The following OCA2 variants were observed in gnomAD, a reference collection of about 807,000 sequenced individuals.
OCA2 encodes the protein P protein.
Under a neutral mutation model 100.2 loss-of-function variants are expected in OCA2, and 77 were observed. The ratio of observed to expected loss-of-function variants is 0.77; its 90% CI spans 0.64 to 0.93. The LOEUF (loss-of-function observed/expected upper bound fraction) is 0.93. OCA2 is among the 40% of genes least tolerant of loss of function. The pLI is 0.00. For missense variants in OCA2, 1,062 were observed against 1,089.1 expected (o/e 0.98, Z 0.35); for synonymous variants, 432 against 439.2 (o/e 0.98, Z 0.21).
At chr15:27,740,385 G>A in the OCA2 span, among the ~76,000 whole-genome samples, 924 of 152,110 alleles carry the variant, frequency 6.1e-3, 11 homozygotes, top group African/African-American at 0.02. Context: ...GACACAACCC[G>A]GGAGCCACAG....
intron 2 of OCA2, among the ~76,000 whole-genome samples, chr15:28,071,938 C>T (rs2044272515): frequency 6.6e-6 from 1 of 152,208 alleles, no homozygotes; most frequent in Admixed American, 6.5e-5. Context: ...TCAAGAGCTT[C>T]TGCACAGCAA....
Position 28,016,969 on chromosome 15 carries a change from G to A in OCA2, c.808-783C>T, listed in dbSNP as rs2042414356. On this transcript the variant is annotated intron_variant, in intron 7 of 23. Transcript: ENST00000354638. ...CCCCTGTGCACAGGAGCCCCTGCAA[G>A]GAAGGGCCCCAGAGTGAAGCTTCAT... Among the ~76,000 whole-genome samples the A allele has an allele frequency of 5.3e-5, 8 of 151,796 alleles. No homozygotes were observed. In the South Asian group the frequency reaches 1.7e-3, roughly 32 times the overall value.
chr15:27,847,718 T>C (rs778418802), intron 22 of OCA2, among the ~76,000 whole-genome samples: 2 of 152,244 alleles, frequency 1.3e-5, no homozygotes, highest in Admixed American at 1.3e-4. Flanking sequence ...AAGACCTCAG[T>C]TGAAGTCTCA....
intron 2 of OCA2, among the ~76,000 whole-genome samples, chr15:28,045,194 T>C (rs546513228): frequency 6.6e-6 from 1 of 152,356 alleles, no homozygotes; most frequent in South Asian, 2.1e-4. Context: ...TATAACTCTT[T>C]TTTATTCTAG....
intron 19 of OCA2, among the ~76,000 whole-genome samples, chr15:27,873,781 A>T (rs28633531): frequency 0.092 from 14,066 of 152,254 alleles, 1,459 homozygotes; most frequent in African/African-American, 0.25. Flanking sequence ...CTCTTAATTT[A>T]AAAAAAATCA....
intron 15 of OCA2, among the ~76,000 whole-genome samples, chr15:27,961,391 C>T (rs763058004): frequency 3.9e-5 from 6 of 152,302 alleles, no homozygotes; most frequent in Non-Finnish European, 5.9e-5. Flanking sequence ...GACAGTGTGG[C>T]GGTTCCTCAA....
intron 1 of OCA2, among the ~76,000 whole-genome samples, chr15:28,093,901 G>C (rs2044918063): frequency 6.6e-6 from 1 of 152,168 alleles, no homozygotes; most frequent in Non-Finnish European, 1.5e-5. Flanking sequence ...TTATATCAAT[G>C]GGGAACAGGT....
intron 9 of OCA2, among the ~76,000 whole-genome samples, chr15:27,997,239 AG>A (rs2041778693): frequency 1.9e-5 from 2 of 107,012 alleles, no homozygotes; most frequent in Non-Finnish European, 5.0e-5. Flanking sequence ...GGAAGGAAGG[AG>A]GAAAGAAAGA....
At chr15:27,882,761 G>A (rs1208158521) in intron 19 of OCA2, among the ~76,000 whole-genome samples, 1 of 152,104 alleles carries the variant, frequency 6.6e-6, no homozygotes, top group African/African-American at 2.4e-5. Context: ...TAAGGGAAGT[G>A]GTTCAAATTC....
intron 18 of OCA2, chr15:27,950,454 C>CA: frequency 2.2e-6 from 1 of 462,776 alleles, no homozygotes; most frequent in South Asian, 1.6e-5. Flanking sequence ...TTGAAATTCA[C>CA]AAAATCGTTA....
At chr15:27,744,269 A>G in the OCA2 span, among the ~76,000 whole-genome samples, 2 of 152,208 alleles carry the variant, frequency 1.3e-5, no homozygotes, top group Non-Finnish European at 2.9e-5. Flanking sequence ...AAGTTGATAA[A>G]TTCATTAAAA....
At chr15:27,975,285 A>G (rs1479085900) in intron 14 of OCA2, among the ~76,000 whole-genome samples, 1 of 152,224 alleles carries the variant, frequency 6.6e-6, no homozygotes, top group African/African-American at 2.4e-5. Context: ...TGTCTTAAAA[A>G]GAAGAAAAAA....
chr15:27,788,218 A>C (rs1375279949), intron 23 of OCA2, among the ~76,000 whole-genome samples: 2 of 152,014 alleles, frequency 1.3e-5, no homozygotes, highest in Non-Finnish European at 2.9e-5. Context: ...TGGGTTGACT[A>C]TTCTGTAGAT....
At chr15:27,959,349 G>A (rs1431993091) in intron 15 of OCA2, among the ~76,000 whole-genome samples, 1 of 150,928 alleles carries the variant, frequency 6.6e-6, no homozygotes, top group Non-Finnish European at 1.5e-5. Flanking sequence ...ATGAGGCTAT[G>A]ATAACATAAA....
intron 15 of OCA2, among the ~76,000 whole-genome samples, chr15:27,958,942 G>A (rs375537488): frequency 6.6e-6 from 1 of 152,168 alleles, no homozygotes; most frequent in Non-Finnish European, 1.5e-5. Context: ...CATGAACATC[G>A]TGGGTTCAGT....
intron 2 of OCA2, among the ~76,000 whole-genome samples, chr15:28,054,368 C>T (rs1206851634): frequency 3.3e-5 from 5 of 152,150 alleles, no homozygotes; most frequent in South Asian, 4.1e-4. Flanking sequence ...TGTACATGTG[C>T]GTGCTGGTCC....
chr15:27,768,028 AGGAAGGCCC>A (rs1011819370), intron 23 of OCA2, among the ~76,000 whole-genome samples: 3 of 152,206 alleles, frequency 2.0e-5, no homozygotes, highest in African/African-American at 7.2e-5. Context: ...AGAGGGCTCC[AGGAAGGCCC>A]GGCTTCCAGC....
intron 2 of OCA2, among the ~76,000 whole-genome samples, chr15:28,034,686 T>C (rs541403724): frequency 7.2e-5 from 11 of 152,076 alleles, no homozygotes; most frequent in African/African-American, 2.7e-4. Context: ...GGTGGAAGGA[T>C]TGATTGCTTG....
At chr15:27,976,897 T>G (rs890686232) in intron 14 of OCA2, among the ~76,000 whole-genome samples, 2 of 149,974 alleles carry the variant, frequency 1.3e-5, no homozygotes, top group African/African-American at 4.9e-5. Context: ...ATGTTTGTTT[T>G]GTTCTTTGTG....
Sources: allele counts gnomAD v4.1 joint callset (sites outside exome capture counted in the v4.1 genomes callset), GRCh38; gene constraint gnomAD v4.1.1; transcripts MANE v1.5; gene names NCBI Gene and HGNC (gene_info 2026-07-23, HGNC 2026-07-21).